The following DACH1 variants were observed in gnomAD, a reference collection of about 807,000 sequenced individuals.
The protein encoded by DACH1 is dachshund family transcription factor 1.
DACH1 carries 12 observed loss-of-function variants against 54.2 expected under a neutral mutation model. The observed-to-expected ratio is 0.22, with a 90% CI of 0.14 to 0.36. The LOEUF (loss-of-function observed/expected upper bound fraction) is 0.36, where lower values mean the gene tolerates loss of function less well. DACH1 is among the 10% of genes least tolerant of loss of function. DACH1 has a pLI of 1.00. For missense variants in DACH1, 805 were observed against 929.8 expected (o/e 0.87, Z 1.75); for synonymous variants, 386 against 366.2 (o/e 1.05, Z -0.62).
intron 3 of DACH1, among the ~76,000 whole-genome samples, chr13:71,597,179 C>T (rs1874156527): frequency 6.6e-6 from 1 of 152,090 alleles, no homozygotes; most frequent in African/African-American, 2.4e-5. Flanking sequence ...AACCTCATGA[C>T]ATTTATTTGA....
At chr13:71,626,533 T>TA (rs1313339970) in intron 3 of DACH1, among the ~76,000 whole-genome samples, 2 of 152,006 alleles carry the variant, frequency 1.3e-5, no homozygotes, top group Non-Finnish European at 2.9e-5. Flanking sequence ...AATAGCAACT[T>TA]ATCTGGCCTG....
intron 1 of DACH1, among the ~76,000 whole-genome samples, chr13:71,856,806 TA>T (rs532068715): frequency 3.9e-4 from 60 of 151,944 alleles, no homozygotes; most frequent in Non-Finnish European, 1.8e-4. Flanking sequence ...GGATCTTTAC[TA>T]GGTGTTTTCA....
At chr13:71,598,418 C>T (rs764487646) in intron 3 of DACH1, among the ~76,000 whole-genome samples, 1 of 151,968 alleles carries the variant, frequency 6.6e-6, no homozygotes, top group Non-Finnish European at 1.5e-5. Context: ...CCACGCCCGG[C>T]TAATTTTTGT....
At chr13:71,561,174 T>G (rs1273752623) in intron 4 of DACH1, among the ~76,000 whole-genome samples, 2 of 152,138 alleles carry the variant, frequency 1.3e-5, no homozygotes, top group Non-Finnish European at 2.9e-5. Flanking sequence ...GAAATCCTGC[T>G]GCACATCAGA....
At chr13:71,633,378 C>A (rs1278265986) in intron 2 of DACH1, among the ~76,000 whole-genome samples, 1 of 152,128 alleles carries the variant, frequency 6.6e-6, no homozygotes, top group African/African-American at 2.4e-5. Flanking sequence ...AAGGCTTGGC[C>A]TCACTATAAT....
intron 1 of DACH1, among the ~76,000 whole-genome samples, chr13:71,694,972 T>C (rs1881745444): frequency 6.6e-6 from 1 of 152,124 alleles, no homozygotes; most frequent in Admixed American, 6.6e-5. Context: ...CAAAGATACA[T>C]TGAAGCATAG....
chr13:71,730,507 T>A (rs895088960), intron 1 of DACH1, among the ~76,000 whole-genome samples: 1 of 152,174 alleles, frequency 6.6e-6, no homozygotes, highest in African/African-American at 2.4e-5. Flanking sequence ...AAAAAATCAA[T>A]CACAAAATGT....
intron 6 of DACH1, among the ~76,000 whole-genome samples, chr13:71,541,078 G>A (rs557665459): frequency 2.6e-5 from 4 of 151,740 alleles, no homozygotes; most frequent in Admixed American, 6.6e-5. Flanking sequence ...AATGAATTAC[G>A]TTACCATCCT....
At chr13:71,616,911 C>T (rs1188630445) in intron 3 of DACH1, among the ~76,000 whole-genome samples, 1 of 139,260 alleles carries the variant, frequency 7.2e-6, no homozygotes, top group Admixed American at 7.4e-5. Flanking sequence ...GATGGAGTTT[C>T]GCTCTTGTTG....
At chr13:71,831,008 G>T (rs183703062) in intron 1 of DACH1, among the ~76,000 whole-genome samples, 55 of 151,972 alleles carry the variant, frequency 3.6e-4, no homozygotes, top group Non-Finnish European at 4.4e-5. Flanking sequence ...CTAGTTAAAT[G>T]GTAGGATGCC....
intron 8 of DACH1, among the ~76,000 whole-genome samples, chr13:71,478,356 A>G (rs982104844): frequency 2.0e-5 from 3 of 152,210 alleles, no homozygotes; most frequent in African/African-American, 7.2e-5. Flanking sequence ...AAATCCTGCT[A>G]GTTTAAAGAC....
At chr13:71,670,221 C>T (rs772177258) in intron 2 of DACH1, among the ~76,000 whole-genome samples, 3 of 152,066 alleles carry the variant, frequency 2.0e-5, no homozygotes, top group African/African-American at 7.2e-5. Context: ...AGTGCAAAAA[C>T]GTTTGCGTAA....
intron 1 of DACH1, among the ~76,000 whole-genome samples, chr13:71,691,051 G>A (rs1310274350): frequency 6.6e-6 from 1 of 152,046 alleles, no homozygotes; most frequent in Non-Finnish European, 1.5e-5. Context: ...AATTACTATT[G>A]GCTATATTTT....
intron 6 of DACH1, among the ~76,000 whole-genome samples, chr13:71,490,998 G>C (rs900606112): frequency 8.5e-5 from 13 of 152,134 alleles, no homozygotes; most frequent in Admixed American, 7.9e-4. Context: ...GACTGTCCAA[G>C]AAAATAAAGA....
chr13:71,780,005 G>GAAT (rs1555322177), intron 1 of DACH1, among the ~76,000 whole-genome samples: 5,577 of 149,926 alleles, frequency 0.037, 124 homozygotes, highest in African/African-American at 0.052. Flanking sequence ...TATGAAGGAA[G>GAAT]GAATGAATGA....
chr13:71,741,704 TAA>T (rs1469702673), intron 1 of DACH1, among the ~76,000 whole-genome samples: 1 of 152,126 alleles, frequency 6.6e-6, no homozygotes, highest in Non-Finnish European at 1.5e-5. Context: ...ATATAATGGA[TAA>T]AGATGTAAAA....
intron 1 of DACH1, among the ~76,000 whole-genome samples, chr13:71,689,915 AAG>A (rs1414573458): frequency 2.6e-5 from 4 of 152,314 alleles, no homozygotes; most frequent in African/African-American, 7.2e-5. Context: ...GGTCTAAGTT[AAG>A]AAGATATTTA....
intron 1 of DACH1, among the ~76,000 whole-genome samples, chr13:71,732,717 CT>C (rs1391623068): frequency 6.6e-6 from 1 of 152,024 alleles, no homozygotes; most frequent in Non-Finnish European, 1.5e-5. Flanking sequence ...CTGCCACAAC[CT>C]TTTGTTTATT....
intron 1 of DACH1, among the ~76,000 whole-genome samples, chr13:71,757,672 C>T (rs1454073790): frequency 1.3e-5 from 2 of 151,898 alleles, no homozygotes; most frequent in African/African-American, 4.8e-5. Context: ...TACAGGCACC[C>T]GCCATTATGC....
Sources: allele counts gnomAD v4.1 joint callset (sites outside exome capture counted in the v4.1 genomes callset), GRCh38; gene constraint gnomAD v4.1.1; transcripts MANE v1.5; gene names NCBI Gene and HGNC (gene_info 2026-07-23, HGNC 2026-07-21).